The following CDC42EP1 variants were observed in gnomAD, a reference collection of about 807,000 sequenced individuals.
CDC42EP1 encodes the protein CDC42 effector protein 1, also known as 55 kDa bone marrow stromal/endothelial cell protein.
CDC42EP1 carries 6 observed loss-of-function variants against 7.4 expected under a neutral mutation model. The observed-to-expected ratio is 0.81, with a 90% CI of 0.44 to 1.60. CDC42EP1 has a LOEUF of 1.60. CDC42EP1 is among the 40% of genes most tolerant of loss of function. The probability of loss-of-function intolerance (pLI) is 0.01; values close to 1 mark genes in which losing one functional copy is unlikely to be tolerated. For synonymous variants in CDC42EP1, 238 were observed against 227.1 expected (o/e 1.05, Z -0.43); for missense variants, 567 against 539.0 (o/e 1.05, Z -0.51).
chr22:37,566,773 A>T lies in CDC42EP1; in HGVS notation c.424A>T (p.Ser142Cys), dbSNP rs1480164089. Residue 142 changes from serine (S) to cysteine (C), a missense_variant, in exon 2 of 3, where the codon AGC (serine) becomes TGC (cysteine). By Grantham distance (112) the Ser-to-Cys change is moderately radical. Coordinates refer to ENST00000249014, the MANE Select transcript of CDC42EP1 (RefSeq NM_152243.3). This position sits in a 1 kb window ranked among gnomAD's most constrained non-coding sequence, Gnocchi z 6.4. ...SLVVGKLSFD[S>C]SPTSSTDGHS... Reference sequence around the variant, plus strand: ...CGTGGTTGGCAAGCTCAGCTTCGACAGCAGCCCCACCAGCTCCACGGACGG... The same window carrying T: ...CGTGGTTGGCAAGCTCAGCTTCGACTGCAGCCCCACCAGCTCCACGGACGG... The T allele has an allele frequency of 6.3e-7, 1 of 1,585,344 alleles. No individual in the cohort carries two copies.
chr22:37,564,119 C>CCTCAGTGGGCCA (rs1232377274), intron 1 of CDC42EP1, among the ~76,000 whole-genome samples: 2 of 152,266 alleles, frequency 1.3e-5, no homozygotes, highest in African/African-American at 4.8e-5. Context: ...CCAGCTTTGC[C>CCTCAGTGGGCCA]CTCAGTGGGC....
At chr22:37,561,263 C>T (rs1925030365) in intron 1 of CDC42EP1, among the ~76,000 whole-genome samples, 1 of 152,252 alleles carries the variant, frequency 6.6e-6, no homozygotes, top group African/African-American at 2.4e-5. Context: ...AGACCCGCAA[C>T]ATTCGAAGCC....
At chr22:37,567,668 G>A (rs1925293460) in intron 2 of CDC42EP1, among the ~76,000 whole-genome samples, 1 of 152,196 alleles carries the variant, frequency 6.6e-6, no homozygotes, top group East Asian at 1.9e-4. Flanking sequence ...CTGATTGCTG[G>A]TCCCATCCTG....
chr22:37,568,376 C>A lies in CDC42EP1; in HGVS notation c.732C>A (p.Asn244Lys), dbSNP rs10427607. The A allele has an allele frequency of 1.4e-6, 2 of 1,442,514 alleles. No individual in the cohort carries two copies. Among genetic ancestry groups the A allele is most frequent in the Non-Finnish European group, 1.9e-6 (2 of 1,042,828 alleles). 89.4% of individuals were successfully genotyped at this position (1,442,514 alleles called of 1,614,324 possible). ...CAAACCCCACGGGTCCTGCTGCAAA[C>A]CCCCCAGCCACTACTGCAAACCCCC... The part of the protein sequence containing the change: ...PTANPTGPAA[N>K]PPATTANPPA... The change falls in exon 3 of 3, where the codon AAC becomes AAA. Residue 244 changes from asparagine to lysine, a missense_variant. Coordinates refer to ENST00000249014, the MANE Select transcript of CDC42EP1 (RefSeq NM_152243.3).
Position 37,560,559 on chromosome 22 carries a change from G to C in CDC42EP1, c.-308G>C, listed in dbSNP as rs997108383. ...CGCTGCAGACGACGAGTCCGCCCTC[G>C]TCCCGCGCCCCCGGGGCTCGCGGAG... is the stretch of plus-strand genomic sequence containing the variant. On this transcript the variant is annotated 5_prime_UTR_variant, in exon 1 of 3. Transcript: ENST00000249014. The C allele has an allele frequency of 6.7e-6, 1 of 149,910 alleles. No homozygotes were observed. Among genetic ancestry groups the C allele is most frequent in the Non-Finnish European group, 1.5e-5 (1 of 67,096 alleles). 9.3% of individuals were successfully genotyped at this position (149,910 alleles called of 1,614,324 possible).
chr22:37,569,240 C>T lies in CDC42EP1; in HGVS notation c.*420C>T, dbSNP rs140965302. 416 of 158,858 alleles carry T rather than the reference C, an allele frequency of 2.6e-3. 4 individuals are homozygous for T. The highest frequency in any genetic ancestry group is 4.8e-3 in the Admixed American group (75 of 15,464). 9.8% of individuals were successfully genotyped at this position (158,858 alleles called of 1,614,324 possible). A position where few individuals can be genotyped will look rare whatever the true frequency, so the allele number is the denominator to read the frequency against. On this transcript the variant is annotated 3_prime_UTR_variant, in exon 3 of 3. Transcript: ENST00000249014. ...CCCAGCTCATCCCAGAGCGTCCCTG[C>T]TGCAACCCTGACAGCCGTCTCCCAG...
chr22:37,565,463 T>C (rs1481192516), intron 1 of CDC42EP1: 1 of 151,982 alleles, frequency 6.6e-6, no homozygotes, highest in Non-Finnish European at 1.5e-5. Flanking sequence ...AGTGTATAGC[T>C]CAATGAATTA....
rs1925384390 is a variant in CDC42EP1 at position 37,569,009 on chromosome 22, G to A, written c.*189G>A. ...GCTCTGGGACTTTTATGCTCCCAGA[G>A]GCCCTGCCAAACTGACCACCTCCCC... On this transcript the variant is annotated 3_prime_UTR_variant, in exon 3 of 3. Coordinates refer to ENST00000249014, the MANE Select transcript of CDC42EP1 (RefSeq NM_152243.3). 4.8e-6 allele frequency: 2 copies of A among 419,942 alleles called. No individual in the cohort carries two copies. Among genetic ancestry groups the A allele is most frequent in the African/African-American group, 2.0e-5 (1 of 48,920 alleles). The allele number at this position is 419,942 out of a possible 1,614,324, so 26.0% of individuals were successfully genotyped here.
At position 37,566,722 on chromosome 22, in the gene CDC42EP1, C is replaced by G; in HGVS notation, c.373C>G (p.Leu125Val). Residue 125 changes from leucine to valine, a missense_variant, in exon 2 of 3, where the codon CTC becomes GTC. Leu to Val is a conservative substitution (Grantham distance 32). Coordinates refer to ENST00000249014, the MANE Select transcript of CDC42EP1 (RefSeq NM_152243.3). This position sits in a 1 kb window ranked among gnomAD's most constrained non-coding sequence, Gnocchi z 6.4. ...CAAGAACGCCATCTCCCTGCCCCAG[C>G]TCAACCAGGCCGCCTACGACAGCCT... is the stretch of plus-strand genomic sequence containing the variant. ...IIKNAISLPQ[L>V]NQAAYDSLVV... 6.2e-7 allele frequency: 1 copy of G among 1,612,662 alleles called. No homozygotes were observed. Among genetic ancestry groups the G allele is most frequent in the South Asian group, 1.1e-5 (1 of 90,876 alleles).
chr22:37,566,772 C>A lies in CDC42EP1; in HGVS notation c.423C>A (p.Asp141Glu), dbSNP rs573067727. The change falls in exon 2 of 3, where the codon GAC (aspartate) becomes GAA (glutamate). Residue 141 changes from aspartate (D) to glutamate (E), a missense_variant. Physicochemically the swap from Asp to Glu is conservative, Grantham distance 45 (BLOSUM62 2). Coordinates refer to ENST00000249014, the MANE Select transcript of CDC42EP1 (RefSeq NM_152243.3). The surrounding 1 kb of genome is among the most constrained non-coding windows in gnomAD (Gnocchi z 6.4). ...DSLVVGKLSF[D>E]SSPTSSTDGH... is the part of the protein sequence containing the mutation. ...TCGTGGTTGGCAAGCTCAGCTTCGA[C>A]AGCAGCCCCACCAGCTCCACGGACG... 388 of 1,585,338 alleles carry A rather than the reference C, an allele frequency of 2.4e-4. 4 individuals carry two copies. In the South Asian group the frequency reaches 4.2e-3, roughly 17 times the overall value.
rs889355431 is a variant in CDC42EP1, at chr22:37,566,498, A to C, written c.149A>C (p.His50Pro). 6.2e-7 allele frequency: 1 copy of C among 1,612,992 alleles called. No individual in the cohort carries two copies. The highest frequency in any genetic ancestry group is 1.1e-5 in the South Asian group (1 of 90,930). ...HPLGDFRHTM[H>P]VGRGGDVFGD... The stretch of plus-strand genomic sequence containing the variant: ...CTCGGGGACTTCCGCCACACCATGC[A>C]TGTGGGCCGTGGCGGGGATGTCTTC... Residue 50 changes from histidine to proline, a missense_variant, in exon 2 of 3, where the codon CAT becomes CCT. Physicochemically the swap from His to Pro is moderately conservative, Grantham distance 77. Coordinates refer to ENST00000249014, the MANE Select transcript of CDC42EP1 (RefSeq NM_152243.3). This position sits in a 1 kb window ranked among gnomAD's most constrained non-coding sequence, Gnocchi z 6.4.
rs1268969500 is a variant in CDC42EP1 at position 37,568,809 on chromosome 22, G to A, written c.1165G>A (p.Val389Ile). 14 of 1,487,486 alleles carry A rather than the reference G, an allele frequency of 9.4e-6. No homozygotes were observed. The highest frequency in any genetic ancestry group is 1.3e-5 in the Non-Finnish European group (14 of 1,117,722). 92.1% of individuals were successfully genotyped at this position (1,487,486 alleles called of 1,614,324 possible). A position where few individuals can be genotyped will look rare whatever the true frequency, so the allele number is the denominator to read the frequency against. ...EFADAEEDDE[V>I]KV is the part of the protein sequence containing the mutation. ...TGCGGATGCTGAGGAGGATGATGAG[G>A]TCAAGGTGTGAGGGGCTGGGGCACG... The change falls in exon 3 of 3, where the codon GTC becomes ATC. Residue 389 changes from valine (V) to isoleucine (I), a missense_variant. Physicochemically the swap from Val to Ile is conservative, Grantham distance 29. Transcript: ENST00000249014.
At chr22:37,567,067 C>A (rs1416851341) in intron 2 of CDC42EP1, among the ~76,000 whole-genome samples, 2 of 152,196 alleles carry the variant, frequency 1.3e-5, no homozygotes, top group Non-Finnish European at 2.9e-5. Flanking sequence ...CAAGCACATC[C>A]CCCTCTCTGG....
rs778680876 is a variant in CDC42EP1 at position 37,566,441 on chromosome 22, G to A, written c.92G>A (p.Arg31Lys). Reference sequence around the variant, plus strand: ...TGGGTGTCCAGTTCACAGGGAAAGAGGCGGCTGACTGCAGACATGATCAGC... The same window carrying A: ...TGGGTGTCCAGTTCACAGGGAAAGAAGCGGCTGACTGCAGACATGATCAGC... ...VGWVSSSQGK[R>K]RLTADMISHP... Residue 31 changes from arginine to lysine, a missense_variant, in exon 2 of 3, where the codon AGG (arginine) becomes AAG (lysine). Coordinates refer to ENST00000249014, the MANE Select transcript of CDC42EP1 (RefSeq NM_152243.3). The surrounding 1 kb of genome is among the most constrained non-coding windows in gnomAD (Gnocchi z 6.4). 4.3e-6 allele frequency: 7 copies of A among 1,611,218 alleles called. No individual in the cohort carries two copies. In the East Asian group the frequency reaches 1.6e-4, roughly 36 times the overall value.
At position 37,566,396 on chromosome 22, in the gene CDC42EP1, G is replaced by A. The variant is rs1569179587; in HGVS notation, c.47G>A (p.Gly16Asp). ...AGAGGCGCCGCCACCATGAGCCTGG[G>A]CAAGCTCTCGCCTGTGGGCTGGGTG... The part of the protein sequence containing the change: ...GGRGAATMSL[G>D]KLSPVGWVSS... The change falls in exon 2 of 3, where the codon GGC (glycine) becomes GAC (aspartate). Residue 16 changes from glycine (G) to aspartate (D), a missense_variant. Physicochemically the swap from Gly to Asp is moderately conservative, Grantham distance 94. Transcript: ENST00000249014. This position sits in a 1 kb window ranked among gnomAD's most constrained non-coding sequence, Gnocchi z 6.4. 2 of 1,585,596 alleles carry A rather than the reference G, an allele frequency of 1.3e-6. No homozygotes were observed. The highest frequency in any genetic ancestry group is 2.7e-5 in the African/African-American group (2 of 74,316).
chr22:37,560,773 C>G (rs1228307447), intron 1 of CDC42EP1, among the ~76,000 whole-genome samples, 185 bp downstream of exon 1: 1 of 151,936 alleles, frequency 6.6e-6, no homozygotes, highest in Non-Finnish European at 1.5e-5. Context: ...CGCGAGGAAA[C>G]TCCGAGCTTT....
intron 1 of CDC42EP1, among the ~76,000 whole-genome samples, chr22:37,561,212 G>A (rs73418161): frequency 0.023 from 3,481 of 152,298 alleles, 123 homozygotes; most frequent in African/African-American, 0.079. Flanking sequence ...TTCCAATCCC[G>A]GCCGCCCTCC....
intron 1 of CDC42EP1, among the ~76,000 whole-genome samples, chr22:37,565,014 G>A (rs1009005554): frequency 4.6e-5 from 7 of 152,020 alleles, no homozygotes; most frequent in Non-Finnish European, 7.4e-5. Flanking sequence ...TCCTGACCTC[G>A]TGATCCACCC....
chr22:37,567,263 G>A (rs910283190), intron 2 of CDC42EP1, among the ~76,000 whole-genome samples: 2 of 152,142 alleles, frequency 1.3e-5, no homozygotes, highest in South Asian at 4.1e-4. Flanking sequence ...TGAGTCTCTC[G>A]GGGTCATTGC....
Sources: allele counts gnomAD v4.1 joint callset (sites outside exome capture counted in the v4.1 genomes callset), GRCh38; gene constraint gnomAD v4.1.1; non-coding constraint Gnocchi (gnomAD v3.1); transcripts MANE v1.5; gene names NCBI Gene and HGNC (gene_info 2026-07-23, HGNC 2026-07-21).